The following OTUB2 variants were observed in gnomAD, a reference collection of about 807,000 sequenced individuals.
OTUB2 encodes the protein ubiquitin thioesterase OTUB2.
In OTUB2, 21 loss-of-function variants were observed where a neutral mutation model predicts 25.1. That is an observed-to-expected ratio of 0.84 (90% confidence interval 0.59 to 1.21). OTUB2 has a LOEUF of 1.21. OTUB2 is among the 50% of genes most tolerant of loss of function. The probability of loss-of-function intolerance (pLI) is 0.00; values close to 1 mark genes in which losing one functional copy is unlikely to be tolerated. For missense variants in OTUB2, 283 were observed against 298.0 expected (o/e 0.95, Z 0.37); for synonymous variants, 122 against 122.8 (o/e 0.99, Z 0.04).
chr14:94,037,381 G>A lies in OTUB2; in HGVS notation c.5G>A (p.Ser2Asn), dbSNP rs950960398. The A allele has an allele frequency of 1.9e-6, 3 of 1,575,648 alleles. No homozygotes were observed. The African/African-American group carries it at 4.1e-5, about 21-fold the overall frequency. Residue 2 changes from serine (S) to asparagine (N), a missense_variant and splice_region_variant, in exon 2 of 6, where the codon AGT becomes AAT. Coordinates refer to ENST00000203664, the MANE Select transcript of OTUB2 (RefSeq NM_023112.4). M[S>N]ETSFNLISEK... ...ATTTCTTCCTTCCCTATCTTTCAGA[G>A]TGAAACATCTTTCAACCTAATATCA...
rs543149788 is a variant in OTUB2 at position 94,032,489 on chromosome 14, G to A, written c.4-4891G>A. On this transcript the variant is annotated intron_variant, in intron 1 of 5. Transcript: ENST00000203664. ...GTAGAAAGGTGGTCGCCAGAGACTG[G>A]GGGCAAGGGGATGGGGAGTTAGTGT... Among the ~76,000 whole-genome samples, 458 of 152,172 alleles carry A rather than the reference G, an allele frequency of 3.0e-3. 4 individuals are homozygous for A. Among genetic ancestry groups the A allele is most frequent in the African/African-American group, 0.011 (444 of 41,492 alleles).
intron 3 of OTUB2, among the ~76,000 whole-genome samples, chr14:94,041,415 C>T (rs1885159084): frequency 6.6e-6 from 1 of 152,146 alleles, no homozygotes; most frequent in Non-Finnish European, 1.5e-5. Flanking sequence ...CAAAAGGCTG[C>T]ATGAGACCAC....
chr14:94,034,699 C>T (rs1250558288), intron 1 of OTUB2, among the ~76,000 whole-genome samples: 1 of 152,198 alleles, frequency 6.6e-6, no homozygotes, highest in Non-Finnish European at 1.5e-5. Context: ...TAGCAGATTG[C>T]CAGATCATCT....
chr14:94,030,057 G>A (rs1374066062), intron 1 of OTUB2, among the ~76,000 whole-genome samples: 5 of 152,210 alleles, frequency 3.3e-5, no homozygotes, highest in African/African-American at 7.2e-5. Context: ...ATGGGAGGTC[G>A]TTGTCAAAAG....
chr14:94,026,524 C>A lies in OTUB2; in HGVS notation c.-14C>A, dbSNP rs1201268724. 5 of 1,025,980 alleles carry A rather than the reference C, an allele frequency of 4.9e-6. No individual in the cohort carries two copies. The South Asian group carries it at 1.7e-4, about 35-fold the overall frequency. The allele number at this position is 1,025,980 out of a possible 1,614,324, so 63.6% of individuals were successfully genotyped here. The stretch of plus-strand genomic sequence containing the variant: ...CTCGCTGGGGCGGGACCTGGCCTGG[C>A]GGCTCTGGTCACTATGGTCAGTGAT... On this transcript the variant is annotated 5_prime_UTR_variant, in exon 1 of 6. Coordinates refer to ENST00000203664, the MANE Select transcript of OTUB2 (RefSeq NM_023112.4).
At chr14:94,029,805 A>T (rs1258890682) in intron 1 of OTUB2, among the ~76,000 whole-genome samples, 2 of 152,198 alleles carry the variant, frequency 1.3e-5, no homozygotes, top group South Asian at 4.1e-4. Flanking sequence ...TGGAATTGGC[A>T]TTCCAGTGGA....
chr14:94,038,856 G>A, intron 2 of OTUB2, 107 bp from the exon 3 acceptor site: 1 of 944,582 alleles, frequency 1.1e-6, no homozygotes, highest in Non-Finnish European at 1.7e-6. Flanking sequence ...AAGGGAGGGA[G>A]CAGACATTTC....
intron 3 of OTUB2, among the ~76,000 whole-genome samples, chr14:94,041,527 G>A (rs1885161892): frequency 6.6e-6 from 1 of 151,822 alleles, no homozygotes; most frequent in South Asian, 2.1e-4. Context: ...CGAACTCTTG[G>A]GCTCAGGCGG....
intron 2 of OTUB2, among the ~76,000 whole-genome samples, chr14:94,038,103 C>T (rs1885090418): frequency 6.6e-6 from 1 of 152,270 alleles, no homozygotes; most frequent in Admixed American, 6.5e-5. Flanking sequence ...AGGCCCTTCC[C>T]TTCAAGTTCC....
rs922113692 is a variant in OTUB2 at position 94,046,959 on chromosome 14, C to T, written c.*1037C>T. 5 of 152,472 alleles carry T rather than the reference C, an allele frequency of 3.3e-5. No homozygotes were observed. The highest frequency in any genetic ancestry group is 3.8e-4 in the East Asian group (2 of 5,210). The allele number at this position is 152,472 out of a possible 1,614,324, so 9.4% of individuals were successfully genotyped here. On this transcript the variant is annotated 3_prime_UTR_variant, in exon 6 of 6. Coordinates refer to ENST00000203664, the MANE Select transcript of OTUB2 (RefSeq NM_023112.4). ...GTGGGGAGATTTCCACTGTGGAAAC[C>T]GCCTGGGAATTCCGGCCAGCAGCTT...
chr14:94,046,016 T>C lies in OTUB2; in HGVS notation c.*94T>C, dbSNP rs1459191986. On this transcript the variant is annotated 3_prime_UTR_variant, in exon 6 of 6. Coordinates refer to ENST00000203664, the MANE Select transcript of OTUB2 (RefSeq NM_023112.4). ...CTTCAATTTTTTAAGCAATTTAGAC[T>C]GTAGCAAGAAAATGTGCAGCCTTTT... 1.4e-5 allele frequency: 19 copies of C among 1,398,194 alleles called. No homozygotes were observed. The highest frequency in any genetic ancestry group is 1.7e-5 in the Non-Finnish European group (17 of 1,011,286). The allele number at this position is 1,398,194 out of a possible 1,614,324, so 86.6% of individuals were successfully genotyped here.
intron 3 of OTUB2, 56 bp downstream of exon 3, chr14:94,039,137 C>G (rs1224141893): frequency 7.3e-7 from 1 of 1,368,864 alleles, no homozygotes; most frequent in Non-Finnish European, 1.0e-6. Flanking sequence ...CTAGGTCAGC[C>G]TCAAGTCTCT....
rs1466257177 is a variant in OTUB2, at chr14:94,041,074, G to A, written c.218+1993G>A. The stretch of plus-strand genomic sequence containing the variant: ...AGATGTGGTCGGGGAGAGATCCAGA[G>A]GGGAGATGGCTGTGGCATGAGCAGG... On this transcript the variant is annotated intron_variant, in intron 3 of 5. Transcript: ENST00000203664. Among the ~76,000 whole-genome samples the A allele has an allele frequency of 2.0e-5, 3 of 152,224 alleles. No individual in the cohort carries two copies. In the East Asian group the frequency reaches 5.8e-4, roughly 29 times the overall value.
chr14:94,046,256 A>G lies in OTUB2; in HGVS notation c.*334A>G. 1 of 402,016 alleles carries G rather than the reference A, an allele frequency of 2.5e-6. No individual in the cohort carries two copies. Among genetic ancestry groups the G allele is most frequent in the Admixed American group, 3.8e-5 (1 of 26,268 alleles). 24.9% of individuals were successfully genotyped at this position (402,016 alleles called of 1,614,324 possible). ...CCTGCCTATGCTGACATTCCATTGT[A>G]GAAAAATGGGGCCTCTGGTGTCTCT... On this transcript the variant is annotated 3_prime_UTR_variant, in exon 6 of 6. Coordinates refer to ENST00000203664, the MANE Select transcript of OTUB2 (RefSeq NM_023112.4).
chr14:94,039,108 C>T (rs1595367358), intron 3 of OTUB2, 27 bp downstream of exon 3: 2 of 1,558,132 alleles, frequency 1.3e-6, no homozygotes, highest in Non-Finnish European at 1.8e-6. Flanking sequence ...CTTGGCCTGT[C>T]AGGGCTGTGT....
Position 94,039,258 on chromosome 14 carries a change from G to A in OTUB2, c.218+177G>A, listed in dbSNP as rs78471823. On this transcript the variant is annotated intron_variant, in intron 3 of 5. Coordinates refer to ENST00000203664, the MANE Select transcript of OTUB2 (RefSeq NM_023112.4). Reference sequence around the variant, plus strand: ...CCAGCTGCCTGCTGTGGTGAAGTTGGGGGCAGCCAAGGGGTGGAGGATGGA... The same window carrying A: ...CCAGCTGCCTGCTGTGGTGAAGTTGAGGGCAGCCAAGGGGTGGAGGATGGA... 1.6e-3 allele frequency: 962 copies of A among 608,498 alleles called. 10 individuals carry two copies. In the African/African-American group the frequency reaches 0.016, roughly 10 times the overall value. 37.7% of individuals were successfully genotyped at this position (608,498 alleles called of 1,614,324 possible).
In OTUB2 at chr14:94,047,667, C is replaced by CCTTGGATG. The variant is rs1312747749; in HGVS notation, c.*1745_*1746insCTTGGATG. 2.0e-5 allele frequency: 3 copies of CCTTGGATG among 152,248 alleles called. No individual in the cohort carries two copies. Among genetic ancestry groups the CCTTGGATG allele is most frequent in the Non-Finnish European group, 2.9e-5 (2 of 68,048 alleles). The allele number at this position is 152,248 out of a possible 1,614,324, so 9.4% of individuals were successfully genotyped here. ...ACTGAAAGGTGTGAACGGACACACA[C>CCTTGGATG]ACAGCCTGGATGACGCCTTGGCTGT... On this transcript the variant is annotated 3_prime_UTR_variant, in exon 6 of 6. Coordinates refer to ENST00000203664, the MANE Select transcript of OTUB2 (RefSeq NM_023112.4).
At chr14:94,036,384 C>A (rs75900772) in intron 1 of OTUB2, among the ~76,000 whole-genome samples, 10,612 of 152,212 alleles carry the variant, frequency 0.07, 1,065 homozygotes, top group African/African-American at 0.23. Context: ...TGTGCAGGAG[C>A]CAGCCTCATT....
In OTUB2 at chr14:94,035,286, C is replaced by CTTTTTT. The variant is rs761154708; in HGVS notation, c.4-2078_4-2073dup. On this transcript the variant is annotated intron_variant, in intron 1 of 5. Transcript: ENST00000203664. The stretch of plus-strand genomic sequence containing the variant: ...CATCCAGTTCTTTTTTTTTTCTTTT[C>CTTTTTT]TTTTTTTTTTTTTTTTTTTTTGAGA... Among the ~76,000 whole-genome samples the CTTTTTT allele has an allele frequency of 5.5e-3, 575 of 104,054 alleles. 2 individuals carry two copies. The highest frequency in any genetic ancestry group is 6.4e-3 in the Non-Finnish European group (342 of 53,450). 68.3% of individuals were successfully genotyped at this position (104,054 alleles called of 152,430 possible). A position where few individuals can be genotyped will look rare whatever the true frequency, so the allele number is the denominator to read the frequency against.
Sources: gnomAD v4.1 joint callset for allele counts (sites outside exome capture counted in the v4.1 genomes callset) on GRCh38, gnomAD v4.1.1 for gene constraint, MANE v1.5 for transcripts, NCBI Gene and HGNC (gene_info 2026-07-23, HGNC 2026-07-21) for gene names.